The following MICU3 variants were observed in gnomAD, a reference collection of about 807,000 sequenced individuals.
MICU3 encodes calcium uptake protein 3, mitochondrial.
A neutral mutation model predicts 66.5 loss-of-function variants in MICU3; 62 were observed. The observed-to-expected ratio is 0.93, with a 90% CI of 0.76 to 1.15. The LOEUF (loss-of-function observed/expected upper bound fraction) is 1.15, where lower values mean the gene tolerates loss of function less well. Among genes scored for constraint, MICU3 ranks in the 50% most tolerant of loss-of-function variants. The probability of loss-of-function intolerance (pLI) is 0.00; values close to 1 mark genes in which losing one functional copy is unlikely to be tolerated. For missense variants in MICU3, 779 were observed against 664.4 expected (o/e 1.17, Z -1.90); for synonymous variants, 308 against 240.7 (o/e 1.28, Z -2.59).
At chr8:17,051,421 T>C (rs1442658084) in intron 1 of MICU3, among the ~76,000 whole-genome samples, 3 of 152,186 alleles carry the variant, frequency 2.0e-5, no homozygotes, top group South Asian at 2.1e-4. Context: ...TATTGTGGAA[T>C]GCAGGAGACA....
intron 1 of MICU3, among the ~76,000 whole-genome samples, chr8:17,047,114 G>A (rs1347175905): frequency 9.9e-5 from 15 of 152,184 alleles, no homozygotes; most frequent in Admixed American, 9.8e-4. Flanking sequence ...TAATTTGGTT[G>A]AGTCTGTTAC....
the MICU3 span, among the ~76,000 whole-genome samples, chr8:17,136,707 G>T: frequency 2.0e-5 from 3 of 152,078 alleles, no homozygotes; most frequent in Non-Finnish European, 4.4e-5. Context: ...ATAGATAGGA[G>T]TTGGGCAGGG....
At chr8:17,061,416 CAG>C (rs1377284701) in intron 1 of MICU3, among the ~76,000 whole-genome samples, 50 of 151,240 alleles carry the variant, frequency 3.3e-4, no homozygotes, top group Non-Finnish European at 2.5e-4. Context: ...CAGGAGGTAA[CAG>C]GGTTTGGTAA....
chr8:17,099,320 T>C (rs1290038469), intron 9 of MICU3, among the ~76,000 whole-genome samples: 1 of 151,808 alleles, frequency 6.6e-6, no homozygotes, highest in East Asian at 1.9e-4. Context: ...TTGTTTTTCA[T>C]TATCTCTTTC....
chr8:17,062,197 C>T (rs1817935127), intron 1 of MICU3, among the ~76,000 whole-genome samples: 1 of 152,196 alleles, frequency 6.6e-6, no homozygotes, highest in Non-Finnish European at 1.5e-5. Context: ...AGAAACTCCA[C>T]ATGTTCATAT....
At chr8:17,062,280 C>T (rs1261504180) in intron 1 of MICU3, among the ~76,000 whole-genome samples, 2 of 152,186 alleles carry the variant, frequency 1.3e-5, no homozygotes, top group African/African-American at 4.8e-5. Flanking sequence ...CACCTTTCTT[C>T]TATTTGCTTG....
At chr8:17,033,268 C>T (rs1033458046) in intron 1 of MICU3, among the ~76,000 whole-genome samples, 16 of 152,194 alleles carry the variant, frequency 1.1e-4, no homozygotes, top group African/African-American at 2.9e-4. Flanking sequence ...GTGAATGCAG[C>T]GGAAAAGTTT....
chr8:17,097,393 TTA>T (rs1800824808), intron 8 of MICU3, among the ~76,000 whole-genome samples: 1 of 151,758 alleles, frequency 6.6e-6, no homozygotes. Context: ...ATGGTAATAT[TTA>T]TGTCTGTGTT....
intron 3 of MICU3, among the ~76,000 whole-genome samples, chr8:17,072,675 T>TA (rs1180515708): frequency 6.6e-6 from 1 of 151,912 alleles, no homozygotes; most frequent in African/African-American, 2.4e-5. Flanking sequence ...GATTATGGCT[T>TA]AATAAGAAAA....
rs114103427 is a variant in MICU3 at position 17,079,858 on chromosome 8, G to A, written c.647-1835G>A. On this transcript the variant is annotated intron_variant, in intron 4 of 14. Transcript: ENST00000318063. Reference sequence around the variant, plus strand: ...ATATTACCTCGAGAGAAAATGTTATGCATTTAAATAATAAAAAAATTGATA... The same window carrying A: ...ATATTACCTCGAGAGAAAATGTTATACATTTAAATAATAAAAAAATTGATA... 8.9e-3 allele frequency among the ~76,000 whole-genome samples: 1,355 copies of A among 152,110 alleles called. 14 individuals are homozygous for A. The highest frequency in any genetic ancestry group is 0.03 in the African/African-American group (1,238 of 41,500).
chr8:17,079,406 G>T (rs1195572244), intron 4 of MICU3, among the ~76,000 whole-genome samples: 1 of 152,136 alleles, frequency 6.6e-6, no homozygotes, highest in Non-Finnish European at 1.5e-5. Context: ...ATCCCAGAAA[G>T]TTTTAGAATC....
At chr8:17,102,190 C>T (rs1585509099) in intron 9 of MICU3, among the ~76,000 whole-genome samples, 1 of 151,890 alleles carries the variant, frequency 6.6e-6, no homozygotes, top group East Asian at 1.9e-4. Context: ...CTCTTGTCTC[C>T]TTTCCTCCCA....
chr8:17,119,286 CTTA>C (rs768715394), intron 14 of MICU3, among the ~76,000 whole-genome samples: 2 of 152,094 alleles, frequency 1.3e-5, no homozygotes, highest in African/African-American at 2.4e-5. Flanking sequence ...TTTATTATAA[CTTA>C]TTATTCCTTA....
At chr8:17,092,287 A>G (rs1157526300) in intron 8 of MICU3, among the ~76,000 whole-genome samples, 1 of 152,002 alleles carries the variant, frequency 6.6e-6, no homozygotes, top group Non-Finnish European at 1.5e-5. Flanking sequence ...TAGGGTCATT[A>G]TGCATTTTTT....
intron 8 of MICU3, among the ~76,000 whole-genome samples, chr8:17,094,167 T>A (rs889798795): frequency 6.6e-6 from 1 of 152,028 alleles, no homozygotes; most frequent in Non-Finnish European, 1.5e-5. Context: ...TATGAATGTT[T>A]CTGTCTCGTT....
intron 10 of MICU3, 77 bp downstream of exon 10, chr8:17,104,568 C>A: frequency 3.2e-6 from 2 of 631,734 alleles, no homozygotes; most frequent in South Asian, 4.6e-5. Context: ...TTGTCTAGTA[C>A]AGCAATACTC....
At chr8:17,039,883 T>C (rs1327329629) in intron 1 of MICU3, among the ~76,000 whole-genome samples, 1 of 142,956 alleles carries the variant, frequency 7.0e-6, no homozygotes, top group Non-Finnish European at 1.5e-5. Flanking sequence ...AAGGTATCCA[T>C]CATCTTGCAT....
At chr8:17,110,281 AAATT>A (rs1802077236) in intron 11 of MICU3, among the ~76,000 whole-genome samples, 2 of 152,188 alleles carry the variant, frequency 1.3e-5, no homozygotes, top group Non-Finnish European at 1.5e-5. Flanking sequence ...GTATAACAAA[AAATT>A]AACCGTTTTA....
At chr8:17,119,747 G>A (rs1803048729) in intron 14 of MICU3, among the ~76,000 whole-genome samples, 1 of 152,044 alleles carries the variant, frequency 6.6e-6, no homozygotes, top group African/African-American at 2.4e-5. Flanking sequence ...AAAGGAAATG[G>A]CAGTATTCAG....
Sources: gnomAD v4.1 joint callset for allele counts (sites outside exome capture counted in the v4.1 genomes callset) on GRCh38, gnomAD v4.1.1 for gene constraint, MANE v1.5 for transcripts, NCBI Gene and HGNC (gene_info 2026-07-23, HGNC 2026-07-21) for gene names.